The following EARS2 variants were observed in gnomAD, a reference collection of about 807,000 sequenced individuals.
EARS2 encodes the protein glutamyl-tRNA synthetase 2, mitochondrial, also known as nondiscriminating glutamyl-tRNA synthetase EARS2, mitochondrial.
Under a neutral mutation model 54.1 loss-of-function variants are expected in EARS2, and 50 were observed. The observed-to-expected ratio is 0.92, with a 90% CI of 0.74 to 1.17. The LOEUF (loss-of-function observed/expected upper bound fraction) is 1.17, where lower values mean the gene tolerates loss of function less well. Ranked by LOEUF, EARS2 falls within the 50% of genes most tolerant of loss-of-function variation. The probability of loss-of-function intolerance (pLI) is 0.00; values close to 1 mark genes in which losing one functional copy is unlikely to be tolerated. For synonymous variants in EARS2, 298 were observed against 281.0 expected (o/e 1.06, Z -0.61); for missense variants, 673 against 675.0 (o/e 1.00, Z 0.03).
chr16:23,555,619 A>C (rs1965763376), intron 1 of EARS2, among the ~76,000 whole-genome samples: 1 of 152,280 alleles, frequency 6.6e-6, no homozygotes, highest in Non-Finnish European at 1.5e-5. Context: ...CAAAGTGTGC[A>C]ATCCAGTGCT....
Position 23,524,112 on chromosome 16 carries a change from T to A in EARS2, c.*259A>T. On this transcript the variant is annotated 3_prime_UTR_variant, in exon 9 of 9. Coordinates refer to ENST00000449606, the MANE Select transcript of EARS2 (RefSeq NM_001083614.2). Reference sequence around the variant, plus strand: ...GTGAACTAACTCCAAACCTCTGCTGTGTAATGTGTGAGAAACCAGACCCGG... The same window carrying A: ...GTGAACTAACTCCAAACCTCTGCTGAGTAATGTGTGAGAAACCAGACCCGG... 1.8e-6 allele frequency: 1 copy of A among 545,818 alleles called. No individual in the cohort carries two copies. Among genetic ancestry groups the A allele is most frequent in the Non-Finnish European group, 3.3e-6 (1 of 303,822 alleles). 33.8% of individuals were successfully genotyped at this position (545,818 alleles called of 1,614,324 possible).
chr16:23,524,372 T>C lies in EARS2; in HGVS notation c.1571A>G (p.Ter524TrpextTer15). 1.2e-6 allele frequency: 2 copies of C among 1,613,922 alleles called. No individual in the cohort carries two copies. The highest frequency in any genetic ancestry group is 1.7e-6 in the Non-Finnish European group (2 of 1,179,796). The stretch of plus-strand genomic sequence containing the variant: ...TCCACTGCCCGAAACATCCTCTCCC[T>C]AGCTGGAAACCACCTTCTGGATCCG... ...RERIQKVVSS[*>W] The change falls in exon 9 of 9, where the codon TAG (stop) becomes TGG (tryptophan). Residue 524 changes from the stop codon to tryptophan (W), a stop_lost. Transcript: ENST00000449606.
At position 23,544,550 on chromosome 16, in the gene EARS2, A is replaced by G. The variant is rs1258216317; in HGVS notation, c.449T>C (p.Leu150Pro). 2 of 1,614,080 alleles carry G rather than the reference A, an allele frequency of 1.2e-6. No individual in the cohort carries two copies. Among genetic ancestry groups the G allele is most frequent in the South Asian group, 1.1e-5 (1 of 91,058 alleles). ...CFCSPQRLEL[L>P]KKEALRNHQT... The stretch of plus-strand genomic sequence containing the variant: ...GTGGTTCCGCAAGGCCTCCTTCTTC[A>G]GGAGCTCCAGCCGCTGGGGTGAGCA... Residue 150 changes from leucine (L) to proline (P), a missense_variant, in exon 3 of 9, where the codon CTG becomes CCG. Coordinates refer to ENST00000449606, the MANE Select transcript of EARS2 (RefSeq NM_001083614.2).
intron 7 of EARS2, among the ~76,000 whole-genome samples, chr16:23,527,991 G>A (rs1375354127): frequency 2.6e-5 from 4 of 152,122 alleles, no homozygotes; most frequent in Non-Finnish European, 5.9e-5. Flanking sequence ...CATGCAGGCC[G>A]AGCCCTTATG....
At chr16:23,553,481 G>A (rs543621465) in intron 1 of EARS2, among the ~76,000 whole-genome samples, 2 of 152,226 alleles carry the variant, frequency 1.3e-5, no homozygotes, top group East Asian at 3.9e-4. Flanking sequence ...TGTGGGCCAG[G>A]TGCAGTAGCT....
In EARS2 at chr16:23,524,293, C is replaced by G. The variant is rs1319518133; in HGVS notation, c.*78G>C. ...AGCAAACTTCCCGACGGGCCCCAGGCCTCCTTCTGGTCTCTGAAAGCTGTT... is the reference window on the plus strand; with the variant it reads ...AGCAAACTTCCCGACGGGCCCCAGGGCTCCTTCTGGTCTCTGAAAGCTGTT... On this transcript the variant is annotated 3_prime_UTR_variant, in exon 9 of 9. Coordinates refer to ENST00000449606, the MANE Select transcript of EARS2 (RefSeq NM_001083614.2). 2 of 1,274,946 alleles carry G rather than the reference C, an allele frequency of 1.6e-6. No individual in the cohort carries two copies. The highest frequency in any genetic ancestry group is 2.3e-6 in the Non-Finnish European group (2 of 873,316). 79.0% of individuals were successfully genotyped at this position (1,274,946 alleles called of 1,614,324 possible).
intron 2 of EARS2, among the ~76,000 whole-genome samples, chr16:23,551,381 T>A (rs1253733022): frequency 6.6e-6 from 1 of 152,108 alleles, no homozygotes; most frequent in Non-Finnish European, 1.5e-5. Context: ...TTTGGGAGGC[T>A]GTAGCAGGAG....
At chr16:23,547,573 T>C (rs1965624759) in intron 2 of EARS2, among the ~76,000 whole-genome samples, 1 of 152,156 alleles carries the variant, frequency 6.6e-6, no homozygotes, top group Non-Finnish European at 1.5e-5. Flanking sequence ...TGGCACGATC[T>C]CGGCTCACTG....
chr16:23,529,630 AC>A lies in EARS2; in HGVS notation c.1223del (p.Gly408ValfsTer23). On this transcript the variant is annotated frameshift_variant and splice_region_variant, in exon 7 of 9. Transcript: ENST00000449606. LOFTEE classifies it high-confidence loss of function. ...YVERILLLRQ[G>X]HICRLQDLVS... ...CCAAGTCCTGCAGGCGGCAAATGTGACCCTGGGGAAGGAGGCAGTCATTGAA... is the reference window on the plus strand; with the variant it reads ...CCAAGTCCTGCAGGCGGCAAATGTGACCTGGGGAAGGAGGCAGTCATTGAA... 1 of 1,613,928 alleles carries A rather than the reference AC, an allele frequency of 6.2e-7. No homozygotes were observed. Among genetic ancestry groups the A allele is most frequent in the Non-Finnish European group, 8.5e-7 (1 of 1,179,922 alleles).
chr16:23,530,832 C>T lies in EARS2; in HGVS notation c.1068-935G>A, dbSNP rs989312710. ...CTGAGGCTGCAGTGAACCGAGATGT[C>T]ACCACTGCACTCCAGCCTGGGTGAC... On this transcript the variant is annotated intron_variant, in intron 5 of 8. Coordinates refer to ENST00000449606, the MANE Select transcript of EARS2 (RefSeq NM_001083614.2). Among the ~76,000 whole-genome samples, 10 of 152,050 alleles carry T rather than the reference C, an allele frequency of 6.6e-5. No individual in the cohort carries two copies. The South Asian group carries it at 2.1e-3, about 32-fold the overall frequency.
intron 2 of EARS2, among the ~76,000 whole-genome samples, chr16:23,545,759 G>A (rs1032934593): frequency 6.6e-6 from 1 of 152,264 alleles, no homozygotes; most frequent in Admixed American, 6.5e-5. Context: ...GAACTTCCGG[G>A]CTCAAGCCAC....
In EARS2 at chr16:23,551,073, T is replaced by C. The variant is rs1284117732; in HGVS notation, c.295+1076A>G. On this transcript the variant is annotated intron_variant, in intron 2 of 8. Transcript: ENST00000449606. ...GGTTAAAAAAAATCTGAGCCCAGAT[T>C]TAATAATGGTTAAGTATTCATCCAG... Among the ~76,000 whole-genome samples, 2 of 152,172 alleles carry C rather than the reference T, an allele frequency of 1.3e-5. 1 individual carries two copies. The highest frequency in any genetic ancestry group is 2.9e-5 in the Non-Finnish European group (2 of 68,038).
intron 4 of EARS2, 63 bp from the exon 5 acceptor site, chr16:23,532,828 CTTTTTT>C: frequency 8.2e-7 from 1 of 1,223,984 alleles, no homozygotes; most frequent in Non-Finnish European, 1.2e-6. Flanking sequence ...CACTTTATCT[CTTTTTT>C]TTAAGAGACA....
In EARS2 at chr16:23,557,255, C is replaced by A. The variant is rs1033004827; in HGVS notation, c.89G>T (p.Gly30Val). ...RPVGRREANLGTDAGVAVRVR... is the reference protein window; with the variant it reads ...RPVGRREANLVTDAGVAVRVR... Reference sequence around the variant, plus strand: ...TCGCACCGCAACCCCGGCATCAGTGCCCAGGTTGGCCTCGCGCCGTCCTAC... The same window carrying A: ...TCGCACCGCAACCCCGGCATCAGTGACCAGGTTGGCCTCGCGCCGTCCTAC... Residue 30 changes from glycine (G) to valine (V), a missense_variant, in exon 1 of 9, where the codon GGC (glycine) becomes GTC (valine). By Grantham distance (109) the Gly-to-Val change is moderately radical. Coordinates refer to ENST00000449606, the MANE Select transcript of EARS2 (RefSeq NM_001083614.2). 4 of 1,523,104 alleles carry A rather than the reference C, an allele frequency of 2.6e-6. No individual in the cohort carries two copies. Among genetic ancestry groups the A allele is most frequent in the Admixed American group, 2.2e-5 (1 of 45,360 alleles). The allele number at this position is 1,523,104 out of a possible 1,614,324, so 94.3% of individuals were successfully genotyped here. A position where few individuals can be genotyped will look rare whatever the true frequency, so the allele number is the denominator to read the frequency against.
At chr16:23,529,002 G>A (rs1441600506) in intron 7 of EARS2, among the ~76,000 whole-genome samples, 2 of 152,196 alleles carry the variant, frequency 1.3e-5, no homozygotes, top group African/African-American at 2.4e-5. Context: ...GAGCGAAAGC[G>A]AATCTTGGTA....
intron 7 of EARS2, among the ~76,000 whole-genome samples, chr16:23,528,639 G>A (rs923508808): frequency 6.6e-6 from 1 of 152,198 alleles, no homozygotes; most frequent in Non-Finnish European, 1.5e-5. Context: ...TATGGCTCAC[G>A]CCTGTAATCC....
At chr16:23,541,151 C>T (rs1003801389) in intron 3 of EARS2, among the ~76,000 whole-genome samples, 1 of 151,962 alleles carries the variant, frequency 6.6e-6, no homozygotes, top group Non-Finnish European at 1.5e-5. Context: ...ATGGTGAAAC[C>T]CCATCTCTAC....
chr16:23,534,700 C>T (rs546602781), intron 4 of EARS2, among the ~76,000 whole-genome samples, 188 bp downstream of exon 4: 1 of 152,320 alleles, frequency 6.6e-6, no homozygotes, highest in Non-Finnish European at 1.5e-5. Flanking sequence ...TCACCCACTA[C>T]TGTAGCCCCA....
Position 23,521,493 on chromosome 16 carries a change from A to C in EARS2, c.*2878T>G, listed in dbSNP as rs998128243. Reference sequence around the variant, plus strand: ...TAGCTCACTGCAGCCTTAACGCCTCAGCTCAAGTGATCCTCCTACCTTAGT... The same window carrying C: ...TAGCTCACTGCAGCCTTAACGCCTCCGCTCAAGTGATCCTCCTACCTTAGT... On this transcript the variant is annotated 3_prime_UTR_variant, in exon 9 of 9. Coordinates refer to ENST00000449606, the MANE Select transcript of EARS2 (RefSeq NM_001083614.2). Among the ~76,000 whole-genome samples the C allele has an allele frequency of 4.0e-5, 6 of 151,752 alleles. No individual in the cohort carries two copies. The highest frequency in any genetic ancestry group is 1.5e-4 in the African/African-American group (6 of 41,288).
Sources: allele counts gnomAD v4.1 joint callset (sites outside exome capture counted in the v4.1 genomes callset), GRCh38; gene constraint gnomAD v4.1.1; transcripts MANE v1.5; gene names NCBI Gene and HGNC (gene_info 2026-07-23, HGNC 2026-07-21).